ITGB6: variants seen among roughly 807,000 people sequenced by gnomAD.
The protein encoded by ITGB6 is integrin subunit beta 6, also known as integrin beta-6.
ITGB6 carries 80 observed loss-of-function variants against 84.5 expected under a neutral mutation model. The observed-to-expected ratio is 0.95, with a 90% CI of 0.79 to 1.14. The LOEUF (loss-of-function observed/expected upper bound fraction) is 1.14, where lower values mean the gene tolerates loss of function less well. Among genes scored for constraint, ITGB6 ranks in the 50% most tolerant of loss-of-function variants. The pLI, the probability that ITGB6 is intolerant of heterozygous loss-of-function variation, is 0.00. For missense variants in ITGB6, 1,006 were observed against 968.0 expected, an observed-to-expected ratio of 1.04 and a Z score of -0.52; for synonymous variants, 383 against 354.9, an observed-to-expected ratio of 1.08 and a Z score of -0.89.
chr2:160,117,777 T>A (rs1682851143), intron 12 of ITGB6, among the ~76,000 whole-genome samples: 1 of 151,726 alleles, frequency 6.6e-6, no homozygotes, highest in South Asian at 2.1e-4. Flanking sequence ...GCAAGACTAA[T>A]AAAGAAGAAA....
intron 4 of ITGB6, among the ~76,000 whole-genome samples, chr2:160,182,023 C>T (rs1230082594): frequency 2.0e-5 from 3 of 152,164 alleles, no homozygotes; most frequent in Non-Finnish European, 4.4e-5. Context: ...GATAAATCCA[C>T]GAAGATGAGG....
chr2:160,166,111 T>G (rs1418122650), intron 7 of ITGB6, among the ~76,000 whole-genome samples: 2 of 152,236 alleles, frequency 1.3e-5, no homozygotes, highest in East Asian at 1.9e-4. Context: ...GAGGGTTTTT[T>G]GTCTCCAGAG....
chr2:160,176,409 C>CA (rs1685422442), intron 4 of ITGB6, among the ~76,000 whole-genome samples: 1 of 152,182 alleles, frequency 6.6e-6, no homozygotes, highest in South Asian at 2.1e-4. Flanking sequence ...CTACTGGGTC[C>CA]AGGGGCCAGT....
intron 7 of ITGB6, among the ~76,000 whole-genome samples, chr2:160,167,422 G>A (rs372161981): frequency 2.0e-5 from 3 of 152,124 alleles, no homozygotes; most frequent in Non-Finnish European, 2.9e-5. Flanking sequence ...ACAATGAAAC[G>A]GTCAGTCATA....
At chr2:160,143,940 T>G (rs1292110618) in intron 7 of ITGB6, among the ~76,000 whole-genome samples, 1 of 152,172 alleles carries the variant, frequency 6.6e-6, no homozygotes, top group African/African-American at 2.4e-5. Flanking sequence ...AAATGGGTTT[T>G]GGTTTTGATT....
intron 4 of ITGB6, 56 bp from the exon 5 acceptor site, chr2:160,174,195 A>G (rs1685325339): frequency 7.8e-7 from 1 of 1,287,664 alleles, no homozygotes; most frequent in Non-Finnish European, 1.1e-6. Flanking sequence ...ACACACAATT[A>G]ATGGATCTAA....
Position 160,180,133 on chromosome 2 carries a change from C to CA in ITGB6, c.594-5995dup, listed in dbSNP as rs967847130. Among the ~76,000 whole-genome samples the CA allele has an allele frequency of 1.1e-4, 15 of 135,188 alleles. No homozygotes were observed. In the East Asian group the frequency reaches 1.5e-3, roughly 14 times the overall value. 88.7% of individuals were successfully genotyped at this position (135,188 alleles called of 152,430 possible). ...CACCTCAAAAAAAAAAAAAAACAAA[C>CA]AAAAAAAACAACCTTCAGAATGTTG... is the stretch of plus-strand genomic sequence containing the variant. On this transcript the variant is annotated intron_variant, in intron 4 of 14. Coordinates refer to ENST00000283249, the MANE Select transcript of ITGB6 (RefSeq NM_000888.5).
chr2:160,139,876 A>G (rs1683927224), intron 8 of ITGB6, among the ~76,000 whole-genome samples: 1 of 152,214 alleles, frequency 6.6e-6, no homozygotes, highest in South Asian at 2.1e-4. Context: ...CGATCGGGGA[A>G]GAAAGAAAAT....
chr2:160,142,472 G>T lies in ITGB6; in HGVS notation c.1018-401C>A, dbSNP rs149902932. Among the ~76,000 whole-genome samples the T allele has an allele frequency of 3.7e-3, 566 of 152,344 alleles. 4 individuals are homozygous for T. Among genetic ancestry groups the T allele is most frequent in the African/African-American group, 0.013 (549 of 41,572 alleles). On this transcript the variant is annotated intron_variant, in intron 7 of 14. Coordinates refer to ENST00000283249, the MANE Select transcript of ITGB6 (RefSeq NM_000888.5). ...AACGTTGCAGAAACCAAGGTTTGGTGCACATGGGCAATGAGGGGAATCAGG... is the reference window on the plus strand; with the variant it reads ...AACGTTGCAGAAACCAAGGTTTGGTTCACATGGGCAATGAGGGGAATCAGG...
chr2:160,183,370 A>G (rs922098705), intron 4 of ITGB6, among the ~76,000 whole-genome samples: 7 of 152,246 alleles, frequency 4.6e-5, no homozygotes, highest in Non-Finnish European at 1.0e-4. Context: ...CTTTAAACCA[A>G]CAAAGATCAA....
intron 4 of ITGB6, 29 bp downstream of exon 4, chr2:160,195,340 C>A: frequency 2.5e-6 from 4 of 1,613,054 alleles, no homozygotes; most frequent in Non-Finnish European, 3.4e-6. Flanking sequence ...AATCAGCGCA[C>A]AAAGATGCCA....
At chr2:160,138,040 G>A (rs1683828929) in intron 9 of ITGB6, 25 bp downstream of exon 9, 2 of 1,598,402 alleles carry the variant, frequency 1.3e-6, no homozygotes, top group African/African-American at 2.7e-5. Context: ...TATTTATTCA[G>A]ACTATCTACT....
chr2:160,117,142 C>A (rs1234740424), intron 12 of ITGB6, among the ~76,000 whole-genome samples: 1 of 151,950 alleles, frequency 6.6e-6, no homozygotes, highest in East Asian at 1.9e-4. Context: ...AGGAATTGAA[C>A]CCAGCTCTGC....
chr2:160,125,243 C>T lies in ITGB6; in HGVS notation c.1883+1136G>A, dbSNP rs562211411. On this transcript the variant is annotated intron_variant, in intron 11 of 14. Coordinates refer to ENST00000283249, the MANE Select transcript of ITGB6 (RefSeq NM_000888.5). The stretch of plus-strand genomic sequence containing the variant: ...GGCATATAGTAGGCACTTAATACCT[C>T]ATTGATAAATGAATACATGCATGAA... Among the ~76,000 whole-genome samples the T allele has an allele frequency of 3.3e-5, 5 of 152,310 alleles. No homozygotes were observed. In the South Asian group the frequency reaches 8.3e-4, roughly 25 times the overall value.
chr2:160,129,151 C>G (rs756747705), intron 10 of ITGB6, among the ~76,000 whole-genome samples: 1 of 152,020 alleles, frequency 6.6e-6, no homozygotes, highest in Non-Finnish European at 1.5e-5. Context: ...AGGGAGGCAC[C>G]TGGACACTTT....
chr2:160,101,791 T>C lies in ITGB6; in HGVS notation c.2312A>G (p.Asn771Ser). The C allele has an allele frequency of 1.2e-6, 2 of 1,602,288 alleles. No homozygotes were observed. The highest frequency in any genetic ancestry group is 1.7e-6 in the Non-Finnish European group (2 of 1,169,562). The change falls in exon 15 of 15, where the codon AAT becomes AGT. Residue 771 changes from asparagine to serine, a missense_variant. By Grantham distance (46) the Asn-to-Ser change is conservative. Coordinates refer to ENST00000283249, the MANE Select transcript of ITGB6 (RefSeq NM_000888.5). ...TTTTTCCCTGTGTTTATAAGTTACA[T>C]TTTTAAAAGTACTTGTGGATCCTCT... ...LYRGSTSTFK[N>S]VTYKHREKQK...
intron 7 of ITGB6, among the ~76,000 whole-genome samples, chr2:160,145,014 G>A (rs1684137080): frequency 6.6e-6 from 1 of 152,114 alleles, no homozygotes; most frequent in Non-Finnish European, 1.5e-5. Flanking sequence ...CTCTAACACT[G>A]TCAAAATTTA....
At chr2:160,119,379 GA>G (rs1225186262) in intron 12 of ITGB6, among the ~76,000 whole-genome samples, 1 of 152,024 alleles carries the variant, frequency 6.6e-6, no homozygotes, top group Non-Finnish European at 1.5e-5. Flanking sequence ...ACAACTATCT[GA>G]TCTTTGACAA....
At chr2:160,114,912 G>A (rs1032766077) in intron 12 of ITGB6, among the ~76,000 whole-genome samples, 3 of 152,162 alleles carry the variant, frequency 2.0e-5, no homozygotes, top group South Asian at 2.1e-4. Context: ...TAGCACAGCC[G>A]CCTTGTACAC....
Sources: gnomAD v4.1 joint callset for allele counts (sites outside exome capture counted in the v4.1 genomes callset) on GRCh38, gnomAD v4.1.1 for gene constraint, MANE v1.5 for transcripts, NCBI Gene and HGNC (gene_info 2026-07-23, HGNC 2026-07-21) for gene names.